Variants in SYDE2 observed in about 807,000 individuals in gnomAD.
SYDE2 encodes rho GTPase-activating protein SYDE2.
Under a neutral mutation model 91.5 loss-of-function variants are expected in SYDE2, and 76 were observed. That is an observed-to-expected ratio of 0.83 (90% CI 0.69 to 1.01). SYDE2 has a LOEUF of 1.01. SYDE2 is among the 50% of genes least tolerant of loss of function. SYDE2 has a pLI of 0.00. For synonymous variants in SYDE2, 513 were observed against 506.4 expected, an observed-to-expected ratio of 1.01 and a Z score of -0.18; for missense variants, 1,364 against 1,367.7, an observed-to-expected ratio of 1.00 and a Z score of 0.04.
chr1:85,192,978 G>A (rs1428484390), intron 1 of SYDE2, among the ~76,000 whole-genome samples: 1 of 152,122 alleles, frequency 6.6e-6, no homozygotes, highest in African/African-American at 2.4e-5. Context: ...CAAAATACTT[G>A]AAAAACTATT....
At chr1:85,198,591 A>G (rs1415562666) in intron 1 of SYDE2, among the ~76,000 whole-genome samples, 1 of 152,136 alleles carries the variant, frequency 6.6e-6, no homozygotes, top group Non-Finnish European at 1.5e-5. Flanking sequence ...CTAAGTTAGC[A>G]GTTTCATTTA....
intron 5 of SYDE2, among the ~76,000 whole-genome samples, chr1:85,165,865 A>ATTTTTTTTTTTTTTTTTTTTTTTTTTTTT (rs529987571): frequency 1.1e-5 from 1 of 94,142 alleles, no homozygotes; most frequent in Non-Finnish European, 2.0e-5. Flanking sequence ...AAAAACTTTA[A>ATTTTTTTTTTTTTTTTTTTTTTTTTTTTT]TTTTTTTTTT....
intron 4 of SYDE2, among the ~76,000 whole-genome samples, chr1:85,170,072 T>C (rs1412122772): frequency 6.6e-6 from 1 of 151,602 alleles, no homozygotes; most frequent in Non-Finnish European, 1.5e-5. Context: ...CAGCCTTGCT[T>C]AGTTTGAACT....
chr1:85,190,632 T>C lies in SYDE2; in HGVS notation c.866A>G (p.Asn289Ser). Residue 289 changes from asparagine (N) to serine (S), a missense_variant, in exon 2 of 7, where the codon AAT becomes AGT. Transcript: ENST00000341460. ...LNSITVSKKR[N>S]WLYQSTLRPL... is the part of the protein sequence containing the mutation. The stretch of plus-strand genomic sequence containing the variant: ...CCTCAGAGTACTCTGATATAGCCAA[T>C]TGCGTTTCTTTGAAACAGTGATGCT... 1 of 1,613,972 alleles carries C rather than the reference T, an allele frequency of 6.2e-7. No homozygotes were observed. Among genetic ancestry groups the C allele is most frequent in the South Asian group, 1.1e-5 (1 of 91,088 alleles).
At chr1:85,176,002 AC>A (rs1330412412) in intron 4 of SYDE2, among the ~76,000 whole-genome samples, 1 of 152,202 alleles carries the variant, frequency 6.6e-6, no homozygotes, top group Admixed American at 6.5e-5. Flanking sequence ...ATATTCATTG[AC>A]CTATTGTTCA....
chr1:85,170,631 T>A (rs1418905922), intron 4 of SYDE2, among the ~76,000 whole-genome samples: 2 of 152,206 alleles, frequency 1.3e-5, no homozygotes, highest in Non-Finnish European at 2.9e-5. Flanking sequence ...CTGGTACACA[T>A]AATGCAAATA....
chr1:85,200,869 C>A lies in SYDE2; in HGVS notation c.128G>T (p.Cys43Phe). 1 of 1,358,856 alleles carries A rather than the reference C, an allele frequency of 7.4e-7. No individual in the cohort carries two copies. Among genetic ancestry groups the A allele is most frequent in the South Asian group, 1.9e-5 (1 of 53,918 alleles). 84.2% of individuals were successfully genotyped at this position (1,358,856 alleles called of 1,614,324 possible). A position where few individuals can be genotyped will look rare whatever the true frequency, so the allele number is the denominator to read the frequency against. ...GCCTCCCCGCTCCCCGTCCCGGGGGCAGGCTCGGCGGTACGCGGCGCCGCG... is the reference window on the plus strand; with the variant it reads ...GCCTCCCCGCTCCCCGTCCCGGGGGAAGGCTCGGCGGTACGCGGCGCCGCG... ...PSRGAAYRRACPRDGERGGGG... is the reference protein window; with the variant it reads ...PSRGAAYRRAFPRDGERGGGG... Residue 43 changes from cysteine to phenylalanine, a missense_variant, in exon 1 of 7, where the codon TGC becomes TTC. Physicochemically the swap from Cys to Phe is radical, Grantham distance 205. Transcript: ENST00000341460.
chr1:85,184,430 T>G (rs1456934775), intron 2 of SYDE2, among the ~76,000 whole-genome samples: 1 of 152,042 alleles, frequency 6.6e-6, no homozygotes, highest in Non-Finnish European at 1.5e-5. Flanking sequence ...CACCTAACAT[T>G]AAGGAAACAG....
At position 85,190,767 on chromosome 1, in the gene SYDE2, G is replaced by A. The variant is rs750881238; in HGVS notation, c.746-15C>T. On this transcript the variant is annotated splice_polypyrimidine_tract_variant and intron_variant, in intron 1 of 6. Transcript: ENST00000341460. ...TTCAAATAAATCTGTTGCAAAGATA[G>A]AATAGAAGGTAGAATATAATGGCTG... 3.8e-6 allele frequency: 6 copies of A among 1,568,274 alleles called. No individual in the cohort carries two copies. The Admixed American group carries it at 9.4e-5, about 25-fold the overall frequency.
rs1480472799 is a variant in SYDE2 at position 85,200,438 on chromosome 1, T to C, written c.559A>G (p.Thr187Ala). 1.2e-6 allele frequency: 2 copies of C among 1,613,848 alleles called. No homozygotes were observed. Among genetic ancestry groups the C allele is most frequent in the Middle Eastern group, 1.6e-4 (1 of 6,084 alleles). The change falls in exon 1 of 7, where the codon ACA becomes GCA. Residue 187 changes from threonine (T) to alanine (A), a missense_variant. Thr to Ala is a moderately conservative substitution (Grantham distance 58). Transcript: ENST00000341460. Reference sequence around the variant, plus strand: ...ATCCACTTCTGCAGCTTCTTGACTGTCACTGCCGGCGGCCTGAGGAAGGAG... The same window carrying C: ...ATCCACTTCTGCAGCTTCTTGACTGCCACTGCCGGCGGCCTGAGGAAGGAG... Reference protein sequence around the residue: ...GPSFLRPPAVTVKKLQKWMYK... With the variant: ...GPSFLRPPAVAVKKLQKWMYK...
rs1218621585 is a variant in SYDE2 at position 85,158,461 on chromosome 1, TTA to T, written c.*287_*288del. The T allele has an allele frequency of 3.5e-6, 1 of 282,856 alleles. No homozygotes were observed. Among genetic ancestry groups the T allele is most frequent in the East Asian group, 8.0e-5 (1 of 12,506 alleles). 17.5% of individuals were successfully genotyped at this position (282,856 alleles called of 1,614,324 possible). ...AGAAAAACCTTGAGGGGCTAATAAC[TTA>T]TGTGAACCTTCTTAAGTGCATTTGA... is the stretch of plus-strand genomic sequence containing the variant. On this transcript the variant is annotated 3_prime_UTR_variant, in exon 7 of 7. Coordinates refer to ENST00000341460, the MANE Select transcript of SYDE2 (RefSeq NM_032184.2).
intron 1 of SYDE2, among the ~76,000 whole-genome samples, chr1:85,192,665 G>A (rs529271475): frequency 7.2e-5 from 11 of 152,078 alleles, no homozygotes; most frequent in Admixed American, 4.6e-4. Context: ...GAAGTAAGGA[G>A]GCCCCCAACC....
chr1:85,160,972 A>G (rs1571223554), intron 6 of SYDE2: 1 of 979,396 alleles, frequency 1.0e-6, no homozygotes, highest in Non-Finnish European at 1.2e-6. Context: ...CTTTTAGACT[A>G]AAAATTTCAA....
chr1:85,182,109 T>A lies in SYDE2; in HGVS notation c.2533A>T (p.Arg845Ter). ...IQKCIMEIEKRGCQVVGLYRL... is the reference protein window; with the variant it reads ...IQKCIMEIEK Reference sequence around the variant, plus strand: ...TAGTAAGATAATACCTGACAGCCTCTCTTTTCAATTTCCATAATACATTTC... The same window carrying A: ...TAGTAAGATAATACCTGACAGCCTCACTTTTCAATTTCCATAATACATTTC... The change falls in exon 3 of 7, where the codon AGA becomes TGA. Residue 845 changes from arginine (R) to a stop codon, truncating the protein, a stop_gained. Transcript: ENST00000341460. LOFTEE classifies it high-confidence loss of function. 1 of 1,585,798 alleles carries A rather than the reference T, an allele frequency of 6.3e-7. No individual in the cohort carries two copies. The highest frequency in any genetic ancestry group is 1.2e-5 in the South Asian group (1 of 84,766).
In SYDE2 at chr1:85,200,432, T is replaced by G. The variant is rs1557762614; in HGVS notation, c.565A>C (p.Lys189Gln). The G allele has an allele frequency of 6.2e-7, 1 of 1,613,992 alleles. No homozygotes were observed. The highest frequency in any genetic ancestry group is 1.1e-5 in the South Asian group (1 of 91,090). ...TTGTACATCCACTTCTGCAGCTTCT[T>G]GACTGTCACTGCCGGCGGCCTGAGG... is the stretch of plus-strand genomic sequence containing the variant. ...SFLRPPAVTV[K>Q]KLQKWMYKGR... Residue 189 changes from lysine (K) to glutamine (Q), a missense_variant, in exon 1 of 7, where the codon AAG becomes CAG. Physicochemically the swap from Lys to Gln is moderately conservative, Grantham distance 53. Transcript: ENST00000341460.
At chr1:85,180,981 T>C (rs1343199885) in intron 3 of SYDE2, among the ~76,000 whole-genome samples, 1 of 152,004 alleles carries the variant, frequency 6.6e-6, no homozygotes, top group African/African-American at 2.4e-5. Context: ...AAAAGTTGGA[T>C]TGGAAAAGTA....
intron 2 of SYDE2, 98 bp downstream of exon 2, chr1:85,189,959 C>G: frequency 5.2e-6 from 5 of 964,796 alleles, no homozygotes; most frequent in Non-Finnish European, 7.6e-6. Flanking sequence ...AGAAAAAGTA[C>G]ATGAATATAA....
Position 85,178,270 on chromosome 1 carries a change from T to A in SYDE2, c.2547A>T (p.Val849=). Residue 849 remains valine (V), a splice_region_variant and synonymous_variant, in exon 4 of 7, where the codon GTA becomes GTT. Coordinates refer to ENST00000341460, the MANE Select transcript of SYDE2 (RefSeq NM_032184.2). ...IMEIEKRGCQ[V]VGLYRLCGSA... ...AACCACATAATCGATACAGGCCTAC[T>A]ACCTAGGAATAAAATTATGGCCACA... 1 of 1,565,548 alleles carries A rather than the reference T, an allele frequency of 6.4e-7. No homozygotes were observed. The highest frequency in any genetic ancestry group is 8.7e-7 in the Non-Finnish European group (1 of 1,156,016).
chr1:85,194,856 C>G, intron 1 of SYDE2: 3 of 985,218 alleles, frequency 3.0e-6, no homozygotes, highest in Non-Finnish European at 3.6e-6. Context: ...ATATTTCAAC[C>G]CTCATTGAAA....
Sources: gnomAD v4.1 joint callset for allele counts (sites outside exome capture counted in the v4.1 genomes callset) on GRCh38, gnomAD v4.1.1 for gene constraint, MANE v1.5 for transcripts, NCBI Gene and HGNC (gene_info 2026-07-23, HGNC 2026-07-21) for gene names.